ZNF407: variants seen among roughly 807,000 people sequenced by gnomAD.
ZNF407 encodes zinc finger protein 407.
Under a neutral mutation model 131.2 loss-of-function variants are expected in ZNF407, and 17 were observed. That is an observed-to-expected ratio of 0.13 (90% CI 0.09 to 0.19). The LOEUF is 0.19. ZNF407 is among the 10% of genes least tolerant of loss of function. ZNF407 has a pLI of 1.00. For synonymous variants in ZNF407, 1,156 were observed against 1,062.0 expected (o/e 1.09, Z -1.72); for missense variants, 2,681 against 2,830.6 (o/e 0.95, Z 1.20).
chr18:75,003,745 G>A (rs1972874880), intron 8 of ZNF407, among the ~76,000 whole-genome samples: 1 of 152,198 alleles, frequency 6.6e-6, no homozygotes, highest in Admixed American at 6.5e-5. Flanking sequence ...TCTAAGTACA[G>A]ATACTGTGTT....
At chr18:74,740,527 C>G (rs979984310) in intron 3 of ZNF407, among the ~76,000 whole-genome samples, 1 of 152,084 alleles carries the variant, frequency 6.6e-6, no homozygotes, top group South Asian at 2.1e-4. Flanking sequence ...CATGTTTAGT[C>G]CAAAGTACTA....
intron 1 of ZNF407, among the ~76,000 whole-genome samples, chr18:74,628,593 A>G (rs1006371230): frequency 6.6e-6 from 1 of 151,874 alleles, no homozygotes; most frequent in African/African-American, 2.4e-5. Flanking sequence ...TTTATTTATT[A>G]TATTTTCAGA....
intron 8 of ZNF407, among the ~76,000 whole-genome samples, chr18:75,045,232 T>C (rs954710555): frequency 2.6e-5 from 4 of 152,202 alleles, no homozygotes; most frequent in Non-Finnish European, 5.9e-5. Context: ...CAGAAAGTTT[T>C]ATAATATAAC....
intron 7 of ZNF407, among the ~76,000 whole-genome samples, chr18:74,916,221 T>C (rs1971758445): frequency 2.7e-5 from 3 of 112,270 alleles, no homozygotes; most frequent in Admixed American, 9.1e-5. Flanking sequence ...TGTGTGTGTG[T>C]ACATGTGTGT....
chr18:74,617,090 T>C (rs1424183278), intron 1 of ZNF407, among the ~76,000 whole-genome samples: 14,693 of 17,970 alleles, frequency 0.82, 5,740 homozygotes, highest in East Asian at 0.94. Context: ...TCCATATCCA[T>C]GCACCAACAC....
intron 8 of ZNF407, among the ~76,000 whole-genome samples, chr18:75,042,394 T>C (rs532023568): frequency 1.4e-4 from 21 of 152,166 alleles, no homozygotes; most frequent in South Asian, 1.0e-3. Flanking sequence ...ATGTGAAAAA[T>C]AAGTCACTGA....
intron 5 of ZNF407, among the ~76,000 whole-genome samples, chr18:74,880,440 G>A (rs1056237636): frequency 6.6e-6 from 1 of 152,120 alleles, no homozygotes; most frequent in Non-Finnish European, 1.5e-5. Context: ...CCATGAAAGC[G>A]AGAAACATAA....
chr18:74,821,124 G>GTTA (rs1224401217), intron 4 of ZNF407, among the ~76,000 whole-genome samples: 17 of 151,966 alleles, frequency 1.1e-4, no homozygotes, highest in Admixed American at 2.0e-4. Context: ...AGGTACTAGT[G>GTTA]TTATTAGGTT....
chr18:74,906,791 T>C (rs1971601217), intron 7 of ZNF407, among the ~76,000 whole-genome samples: 1 of 150,054 alleles, frequency 6.7e-6, no homozygotes, highest in Non-Finnish European at 1.5e-5. Flanking sequence ...TTTATATGTG[T>C]ATATATTTTA....
chr18:74,755,785 T>TTC (rs1968938353), intron 3 of ZNF407, among the ~76,000 whole-genome samples: 1 of 45,018 alleles, frequency 2.2e-5, no homozygotes, highest in Non-Finnish European at 5.6e-5. Context: ...CTCTCTCTCT[T>TTC]TCCTTCCTTC....
chr18:74,859,990 T>C (rs534747429), intron 4 of ZNF407, among the ~76,000 whole-genome samples: 1 of 152,338 alleles, frequency 6.6e-6, no homozygotes, highest in East Asian at 1.9e-4. Context: ...CCTTCATGGC[T>C]ACTGCCTAGC....
At chr18:74,762,717 C>A (rs1969124270) in intron 3 of ZNF407, among the ~76,000 whole-genome samples, 1 of 151,288 alleles carries the variant, frequency 6.6e-6, no homozygotes, top group Non-Finnish European at 1.5e-5. Flanking sequence ...TTTTTAAAAT[C>A]ATCATAGCTG....
chr18:74,780,518 C>G (rs1969577646), intron 3 of ZNF407, among the ~76,000 whole-genome samples: 1 of 152,110 alleles, frequency 6.6e-6, no homozygotes, highest in Non-Finnish European at 1.5e-5. Flanking sequence ...TCATGTCTTT[C>G]ATGTACATAT....
chr18:74,822,548 C>T (rs964309233), intron 4 of ZNF407, among the ~76,000 whole-genome samples: 1 of 152,056 alleles, frequency 6.6e-6, no homozygotes, highest in African/African-American at 2.4e-5. Context: ...TTGTTTTTGT[C>T]AGGTTTGTCA....
intron 3 of ZNF407, among the ~76,000 whole-genome samples, chr18:74,663,623 T>C (rs770894163): frequency 1.5e-4 from 23 of 152,178 alleles, no homozygotes; most frequent in Non-Finnish European, 2.6e-4. Flanking sequence ...TTCAGGAGTT[T>C]AAAGGCCTGC....
At chr18:74,672,690 T>G (rs1986201060) in intron 3 of ZNF407, among the ~76,000 whole-genome samples, 2 of 150,576 alleles carry the variant, frequency 1.3e-5, no homozygotes. Flanking sequence ...CTGCTCATCC[T>G]TGGGTCCTTG....
intron 3 of ZNF407, among the ~76,000 whole-genome samples, chr18:74,657,947 T>G (rs1387579102): frequency 1.3e-5 from 2 of 150,062 alleles, no homozygotes; most frequent in Non-Finnish European, 1.5e-5. Context: ...CCTCCTTTCT[T>G]TTTTCTCTTT....
chr18:74,767,588 A>G (rs996664094), intron 3 of ZNF407, among the ~76,000 whole-genome samples: 2 of 151,438 alleles, frequency 1.3e-5, no homozygotes, highest in African/African-American at 2.4e-5. Flanking sequence ...ATCTGCATAT[A>G]TATCTCATGT....
At position 75,034,171 on chromosome 18, in the gene ZNF407, A is replaced by C. The variant is rs180823009; in HGVS notation, c.5429-28979A>C. Among the ~76,000 whole-genome samples, 32 of 152,156 alleles carry C rather than the reference A, an allele frequency of 2.1e-4. No individual in the cohort carries two copies. In the East Asian group the frequency reaches 6.2e-3, roughly 29 times the overall value. On this transcript the variant is annotated intron_variant, in intron 8 of 8. Transcript: ENST00000299687. ...TGTGAAAGCATATGTAGATCTGATCAGAGGTTGACTGATGGTTAAGCATAT... is the reference window on the plus strand; with the variant it reads ...TGTGAAAGCATATGTAGATCTGATCCGAGGTTGACTGATGGTTAAGCATAT...
Sources: gnomAD v4.1 joint callset for allele counts (sites outside exome capture counted in the v4.1 genomes callset) on GRCh38, gnomAD v4.1.1 for gene constraint, MANE v1.5 for transcripts, NCBI Gene and HGNC (gene_info 2026-07-23, HGNC 2026-07-21) for gene names.